BBS9: variants seen among roughly 807,000 people sequenced by gnomAD.
The protein encoded by BBS9 is Bardet-Biedl syndrome 9.
A neutral mutation model predicts 117.7 loss-of-function variants in BBS9; 89 were observed. The ratio of observed to expected loss-of-function variants is 0.76; its 90% CI spans 0.64 to 0.90. BBS9 has a LOEUF of 0.90. BBS9 is among the 40% of genes least tolerant of loss of function. BBS9 has a pLI of 0.00. For missense variants in BBS9, 982 were observed against 1,042.2 expected (o/e 0.94, Z 0.80); for synonymous variants, 379 against 370.9 (o/e 1.02, Z -0.25).
At chr7:33,334,335 T>C (rs1291304149) in intron 9 of BBS9, among the ~76,000 whole-genome samples, 1 of 152,198 alleles carries the variant, frequency 6.6e-6, no homozygotes, top group African/African-American at 2.4e-5. Flanking sequence ...AGGATGAAGA[T>C]GAAATGGAAA....
chr7:33,519,571 A>G (rs1848307638), intron 20 of BBS9, among the ~76,000 whole-genome samples: 1 of 110,448 alleles, frequency 9.1e-6, no homozygotes, highest in African/African-American at 5.0e-5. Context: ...ACTGGCACAG[A>G]GCATTGTGCT....
chr7:33,267,282 T>C (rs1798989454), intron 7 of BBS9, among the ~76,000 whole-genome samples: 1 of 152,202 alleles, frequency 6.6e-6, no homozygotes, highest in Admixed American at 6.5e-5. Flanking sequence ...CTTTCCACTT[T>C]GAATCTGTTT....
chr7:33,533,307 C>T (rs952148510), intron 20 of BBS9, among the ~76,000 whole-genome samples: 1 of 152,220 alleles, frequency 6.6e-6, no homozygotes, highest in African/African-American at 2.4e-5. Context: ...ACACTGTTCC[C>T]AACAAAAGTG....
intron 10 of BBS9, among the ~76,000 whole-genome samples, chr7:33,338,524 A>G (rs1287828181): frequency 6.6e-6 from 1 of 152,182 alleles, no homozygotes; most frequent in Non-Finnish European, 1.5e-5. Flanking sequence ...AAGCTTTTAA[A>G]AGTGTTTTCA....
intron 17 of BBS9, among the ~76,000 whole-genome samples, chr7:33,381,128 A>G (rs1363512018): frequency 6.6e-6 from 1 of 152,238 alleles, no homozygotes; most frequent in East Asian, 1.9e-4. Context: ...CATTGTTAAT[A>G]TAGTTCTTAT....
At chr7:33,191,744 AT>A (rs747949648) in intron 5 of BBS9, among the ~76,000 whole-genome samples, 2 of 152,164 alleles carry the variant, frequency 1.3e-5, no homozygotes, top group Non-Finnish European at 2.9e-5. Context: ...ATTTGTCATG[AT>A]TTTAGGCTTG....
intron 9 of BBS9, among the ~76,000 whole-genome samples, chr7:33,296,724 A>G (rs1805347456): frequency 6.6e-6 from 1 of 152,140 alleles, no homozygotes; most frequent in Non-Finnish European, 1.5e-5. Flanking sequence ...GAGGCGAATA[A>G]ACACTCTTGG....
chr7:33,530,751 T>C (rs1850451157), intron 20 of BBS9, among the ~76,000 whole-genome samples: 1 of 152,208 alleles, frequency 6.6e-6, no homozygotes, highest in South Asian at 2.1e-4. Context: ...TTTTATGGTC[T>C]TTTAGGTCTC....
At chr7:33,385,988 G>T (rs890563571) in intron 18 of BBS9, among the ~76,000 whole-genome samples, 3 of 152,088 alleles carry the variant, frequency 2.0e-5, no homozygotes, top group African/African-American at 4.8e-5. Flanking sequence ...TTGTGGGGTG[G>T]GGGGAGCGGA....
chr7:33,283,307 A>G (rs887592431), intron 9 of BBS9, among the ~76,000 whole-genome samples: 1 of 152,206 alleles, frequency 6.6e-6, no homozygotes, highest in Non-Finnish European at 1.5e-5. Flanking sequence ...TTAAAAAGAC[A>G]TCTTATTGGA....
chr7:33,574,723 A>ATG (rs1563385536), intron 21 of BBS9, among the ~76,000 whole-genome samples: 2 of 147,476 alleles, frequency 1.4e-5, no homozygotes, highest in Non-Finnish European at 3.0e-5. Context: ...ACACACACAC[A>ATG]CACGCGCACA....
chr7:33,180,360 AAT>A (rs1491510522), intron 5 of BBS9, among the ~76,000 whole-genome samples: 2 of 126,420 alleles, frequency 1.6e-5, no homozygotes, highest in East Asian at 5.3e-4. Flanking sequence ...CCTTGCTGAG[AAT>A]TTTTTTTTTT....
chr7:33,216,893 A>G (rs1305236395), intron 5 of BBS9, among the ~76,000 whole-genome samples: 1 of 152,168 alleles, frequency 6.6e-6, no homozygotes, highest in Non-Finnish European at 1.5e-5. Flanking sequence ...CAGGAGTTTG[A>G]GACCAGCCTG....
At chr7:33,270,021 C>A (rs935660982) in intron 7 of BBS9, among the ~76,000 whole-genome samples, 1,039 of 124,306 alleles carry the variant, frequency 8.4e-3, no homozygotes, top group Middle Eastern at 0.013. Context: ...GACTCTGTCT[C>A]AAAAAAAAAA....
At chr7:33,605,161 C>T in intron 22 of BBS9, 34 bp from the exon 23 acceptor site, 1 of 1,591,366 alleles carries the variant, frequency 6.3e-7, no homozygotes, top group Non-Finnish European at 8.6e-7. Context: ...CAGATCTTTT[C>T]TCTCTCTTTC....
intron 19 of BBS9, among the ~76,000 whole-genome samples, chr7:33,472,115 C>T (rs1385342736): frequency 2.6e-5 from 4 of 152,224 alleles, no homozygotes; most frequent in East Asian, 1.9e-4. Flanking sequence ...TGAGAACTAG[C>T]GAAGTAAGCC....
intron 1 of BBS9, among the ~76,000 whole-genome samples, chr7:33,141,802 C>A (rs1470256673): frequency 2.0e-5 from 3 of 151,990 alleles, no homozygotes; most frequent in Admixed American, 6.5e-5. Flanking sequence ...CCTATCTGTT[C>A]TACATTAGTA....
intron 10 of BBS9, 133 bp downstream of exon 10, chr7:33,336,755 T>G: frequency 1.5e-6 from 1 of 679,216 alleles, no homozygotes; most frequent in Non-Finnish European, 2.5e-6. Flanking sequence ...GTAAAAACAG[T>G]ATTGCTCTTT....
At chr7:33,440,850 A>G (rs543893596) in intron 19 of BBS9, among the ~76,000 whole-genome samples, 2 of 152,326 alleles carry the variant, frequency 1.3e-5, no homozygotes, top group East Asian at 3.9e-4. Flanking sequence ...AATTTAATAA[A>G]TGGGCATGAT....
Sources: allele counts gnomAD v4.1 joint callset (sites outside exome capture counted in the v4.1 genomes callset), GRCh38; gene constraint gnomAD v4.1.1; transcripts MANE v1.5; gene names NCBI Gene and HGNC (gene_info 2026-07-23, HGNC 2026-07-21).